BICC1: variants seen among roughly 807,000 people sequenced by gnomAD.
BICC1 encodes the protein BicC family RNA binding protein 1, also known as protein bicaudal C homolog 1.
Under a neutral mutation model 111.0 loss-of-function variants are expected in BICC1, and 43 were observed. The ratio of observed to expected loss-of-function variants is 0.39; its 90% CI spans 0.30 to 0.50. The LOEUF is 0.50. Ranked by LOEUF, BICC1 falls within the 20% of genes least tolerant of loss-of-function variation. The probability of loss-of-function intolerance (pLI) is 0.88; values close to 1 mark genes in which losing one functional copy is unlikely to be tolerated. For synonymous variants in BICC1, 467 were observed against 434.4 expected (o/e 1.07, Z -0.93); for missense variants, 1,091 against 1,203.2 (o/e 0.91, Z 1.38).
Position 58,785,006 on chromosome 10 carries a change from C to A in BICC1, c.313C>A (p.His105Asn). The change falls in exon 4 of 21, where the codon CAT becomes AAT. Residue 105 changes from histidine (H) to asparagine (N), a missense_variant. His to Asn is a moderately conservative substitution (Grantham distance 68, BLOSUM62 1). Coordinates refer to ENST00000373886, the MANE Select transcript of BICC1 (RefSeq NM_001080512.3). ...KIGAKSKKDP[H>N]IKVSGKKEDV... The stretch of plus-strand genomic sequence containing the variant: ...CTTTTATTTCTTTCTTATAGATCCC[C>A]ATATTAAGGTTTCTGGAAAGAAAGA... 6.4e-7 allele frequency: 1 copy of A among 1,567,568 alleles called. No individual in the cohort carries two copies. The highest frequency in any genetic ancestry group is 1.1e-5 in the South Asian group (1 of 87,314).
intron 20 of BICC1, chr10:58,824,205 A>G (rs1844330854): frequency 3.5e-6 from 2 of 568,830 alleles, no homozygotes; most frequent in Non-Finnish European, 4.4e-6. Flanking sequence ...CTTTCCATCA[A>G]GCATGTGAGG....
chr10:58,570,598 A>T (rs1051308206), intron 1 of BICC1, among the ~76,000 whole-genome samples: 4 of 152,184 alleles, frequency 2.6e-5, no homozygotes, highest in African/African-American at 9.6e-5. Flanking sequence ...TTTCAGCTTT[A>T]GAACTGCTTC....
At chr10:58,763,614 A>G (rs1353201332) in intron 3 of BICC1, among the ~76,000 whole-genome samples, 1 of 152,184 alleles carries the variant, frequency 6.6e-6, no homozygotes, top group East Asian at 1.9e-4. Flanking sequence ...ATTAAAGGAC[A>G]AGATCACATG....
intron 1 of BICC1, among the ~76,000 whole-genome samples, chr10:58,558,225 G>T (rs1292120013): frequency 1.3e-5 from 2 of 152,076 alleles, no homozygotes; most frequent in Admixed American, 6.6e-5. Context: ...TTACTCATAT[G>T]CATGGGTTGA....
At chr10:58,664,827 A>T (rs891630931) in intron 2 of BICC1, among the ~76,000 whole-genome samples, 3 of 152,048 alleles carry the variant, frequency 2.0e-5, no homozygotes, top group Non-Finnish European at 2.9e-5. Flanking sequence ...TCAGTTCGTT[A>T]ATATAGGGGA....
intron 1 of BICC1, among the ~76,000 whole-genome samples, chr10:58,588,618 AGGCAGG>A (rs1391413659): frequency 6.6e-6 from 1 of 152,208 alleles, no homozygotes; most frequent in Non-Finnish European, 1.5e-5. Context: ...CCATTTAAAC[AGGCAGG>A]GGCTGGCAGC....
At chr10:58,770,509 A>G (rs748290346) in intron 3 of BICC1, among the ~76,000 whole-genome samples, 3 of 152,190 alleles carry the variant, frequency 2.0e-5, no homozygotes, top group Non-Finnish European at 4.4e-5. Flanking sequence ...ATCTGAGAAT[A>G]AGAATTATAT....
In BICC1 at chr10:58,679,909, A is replaced by G. The variant is rs142005742; in HGVS notation, c.238-22165A>G. Among the ~76,000 whole-genome samples the G allele has an allele frequency of 4.8e-4, 73 of 152,364 alleles. 1 individual carries two copies. In the East Asian group the frequency reaches 0.013, roughly 26 times the overall value. On this transcript the variant is annotated intron_variant, in intron 2 of 20. Coordinates refer to ENST00000373886, the MANE Select transcript of BICC1 (RefSeq NM_001080512.3). Reference sequence around the variant, plus strand: ...ATATGCAAATCAATAAACATAATTCATCATATAAACAGAACCAATGACAAA... The same window carrying G: ...ATATGCAAATCAATAAACATAATTCGTCATATAAACAGAACCAATGACAAA...
At chr10:58,740,384 A>T (rs1841620747) in intron 3 of BICC1, among the ~76,000 whole-genome samples, 1 of 152,194 alleles carries the variant, frequency 6.6e-6, no homozygotes, top group Non-Finnish European at 1.5e-5. Context: ...CTGTTCCCTG[A>T]AACTCCTTTG....
rs140876922 is a variant in BICC1 at position 58,711,500 on chromosome 10, C to T, written c.307+9357C>T. Among the ~76,000 whole-genome samples, 355 of 152,332 alleles carry T rather than the reference C, an allele frequency of 2.3e-3. 1 individual carries two copies. The highest frequency in any genetic ancestry group is 8.0e-3 in the African/African-American group (332 of 41,572). Reference sequence around the variant, plus strand: ...GATCCTTTTCGAATATGTATTTTCTCACACTCACAGACATACAGCGCACAC... The same window carrying T: ...GATCCTTTTCGAATATGTATTTTCTTACACTCACAGACATACAGCGCACAC... On this transcript the variant is annotated intron_variant, in intron 3 of 20. Transcript: ENST00000373886.
chr10:58,824,336 A>G (rs569724357), intron 20 of BICC1, among the ~76,000 whole-genome samples: 1 of 152,324 alleles, frequency 6.6e-6, no homozygotes, highest in South Asian at 2.1e-4. Flanking sequence ...AGACTTGAAT[A>G]GGGCAAAATA....
chr10:58,798,709 T>TCCC (rs1843439289), intron 11 of BICC1, 149 bp downstream of exon 11: 3 of 747,542 alleles, frequency 4.0e-6, no homozygotes, highest in Non-Finnish European at 6.1e-6. Context: ...ATATGTAAAT[T>TCCC]AGTTAAAATG....
At chr10:58,530,337 A>G (rs1842647686) in intron 1 of BICC1, among the ~76,000 whole-genome samples, 1 of 151,828 alleles carries the variant, frequency 6.6e-6, no homozygotes, top group African/African-American at 2.4e-5. Flanking sequence ...GGTGAGGCCC[A>G]GAAGCTATAT....
In BICC1 at chr10:58,803,061, C is replaced by T. The variant is rs1047890754; in HGVS notation, c.2016-16C>T. On this transcript the variant is annotated splice_polypyrimidine_tract_variant and intron_variant, in intron 14 of 20. Transcript: ENST00000373886. Reference sequence around the variant, plus strand: ...ATATATAGTGGAGTGTTAAATTCCACACTCTTATTTCACAGCAGCACTGAC... The same window carrying T: ...ATATATAGTGGAGTGTTAAATTCCATACTCTTATTTCACAGCAGCACTGAC... 6.4e-7 allele frequency: 1 copy of T among 1,567,110 alleles called. No individual in the cohort carries two copies. Among genetic ancestry groups the T allele is most frequent in the Non-Finnish European group, 8.6e-7 (1 of 1,156,564 alleles).
intron 2 of BICC1, among the ~76,000 whole-genome samples, chr10:58,697,544 C>T (rs150650612): frequency 7.2e-5 from 11 of 152,284 alleles, no homozygotes; most frequent in South Asian, 2.1e-4. Flanking sequence ...TTCTTCTCAG[C>T]GGTTTTGTAG....
chr10:58,624,816 A>T (rs1000194972), intron 2 of BICC1, among the ~76,000 whole-genome samples: 1 of 151,992 alleles, frequency 6.6e-6, no homozygotes, highest in African/African-American at 2.4e-5. Context: ...CTGGTCTTGA[A>T]CTTCTGACCT....
At chr10:58,618,073 C>A (rs1299771601) in intron 1 of BICC1, among the ~76,000 whole-genome samples, 2 of 151,948 alleles carry the variant, frequency 1.3e-5, no homozygotes, top group Non-Finnish European at 1.5e-5. Context: ...GAATGTAAGA[C>A]CTATGTGTTG....
At chr10:58,536,597 C>G (rs1331632477) in intron 1 of BICC1, among the ~76,000 whole-genome samples, 1 of 151,650 alleles carries the variant, frequency 6.6e-6, no homozygotes, top group African/African-American at 2.4e-5. Flanking sequence ...CACTAAATAC[C>G]TACATCAAAA....
chr10:58,763,697 C>A (rs1184751002), intron 3 of BICC1, among the ~76,000 whole-genome samples: 1 of 151,862 alleles, frequency 6.6e-6, no homozygotes, highest in Admixed American at 6.6e-5. Flanking sequence ...CCCCATTGCA[C>A]CACCCAGAAA....
Sources: allele counts gnomAD v4.1 joint callset (sites outside exome capture counted in the v4.1 genomes callset), GRCh38; gene constraint gnomAD v4.1.1; transcripts MANE v1.5; gene names NCBI Gene and HGNC (gene_info 2026-07-23, HGNC 2026-07-21).